Variants in CTPS2 observed in about 807,000 individuals in gnomAD.
CTPS2 encodes CTP synthase 2.
CTPS2 carries 19 observed loss-of-function variants against 46.8 expected under a neutral mutation model. That is an observed-to-expected ratio of 0.41 (90% CI 0.28 to 0.60). CTPS2 has a LOEUF of 0.60. CTPS2 is among the 20% of genes least tolerant of loss of function. The pLI is 0.35. For missense variants in CTPS2, 286 were observed against 447.6 expected (o/e 0.64, Z 3.26); for synonymous variants, 151 against 165.2 (o/e 0.91, Z 0.66).
intron 16 of CTPS2, among the ~76,000 whole-genome samples, chrX:16,616,757 C>T (rs375432896): frequency 1.5e-4 from 17 of 111,855 alleles, no homozygotes; most frequent in South Asian, 3.8e-4. Context: ...TGCAGTGACG[C>T]GATCTCGGCT....
At chrX:16,644,746 T>A (rs955600293) in intron 13 of CTPS2, among the ~76,000 whole-genome samples, 5 of 112,404 alleles carry the variant, frequency 4.4e-5, no homozygotes, top group African/African-American at 1.6e-4. Context: ...TGTATATGTG[T>A]TTTAAGCCAC....
intron 8 of CTPS2, among the ~76,000 whole-genome samples, chrX:16,689,053 C>T (rs1569231720): frequency 1.8e-5 from 2 of 110,586 alleles, no homozygotes; most frequent in Non-Finnish European, 3.8e-5. Flanking sequence ...GAGCCGAGAT[C>T]GTGCCACTGC....
chrX:16,685,692 A>C (rs1373359532), intron 8 of CTPS2, among the ~76,000 whole-genome samples: 1 of 104,122 alleles, frequency 9.6e-6, no homozygotes. Flanking sequence ...CCCCATCTCT[A>C]CTAAAAAAAT....
intron 2 of CTPS2, among the ~76,000 whole-genome samples, chrX:16,701,626 G>C (rs1315711026): frequency 9.3e-6 from 1 of 107,143 alleles, no homozygotes; most frequent in Non-Finnish European, 1.9e-5. Flanking sequence ...TTTTGAGATG[G>C]AGTCTCACTC....
At chrX:16,692,187 A>C (rs946712514) in intron 6 of CTPS2, among the ~76,000 whole-genome samples, 1 of 111,051 alleles carries the variant, frequency 9.0e-6, no homozygotes. Flanking sequence ...GGCGTGGTGC[A>C]ATCCCAGCAC....
intron 13 of CTPS2, among the ~76,000 whole-genome samples, chrX:16,664,601 T>G (rs996384907): frequency 9.3e-4 from 104 of 111,664 alleles, no homozygotes; most frequent in African/African-American, 3.3e-3. Flanking sequence ...GCTTTACTTA[T>G]ATGTAAAAAA....
At chrX:16,645,369 G>C (rs1401992385) in intron 13 of CTPS2, among the ~76,000 whole-genome samples, 15 of 110,689 alleles carry the variant, frequency 1.4e-4, no homozygotes, top group African/African-American at 4.9e-4. Context: ...CCACAGAGTA[G>C]CAGAGGGGTG....
At chrX:16,656,294 C>T (rs978034034) in intron 13 of CTPS2, among the ~76,000 whole-genome samples, 2 of 112,195 alleles carry the variant, frequency 1.8e-5, no homozygotes, top group Non-Finnish European at 3.8e-5. Context: ...ACATGATATG[C>T]CTTTGAACAA....
chrX:16,596,170 C>T (rs761219982), intron 17 of CTPS2, among the ~76,000 whole-genome samples: 27 of 105,631 alleles, frequency 2.6e-4, no homozygotes, highest in South Asian at 1.2e-3. Flanking sequence ...CACCATGCCT[C>T]GCCAAAAGTT....
At chrX:16,676,622 A>C (rs949991870) in intron 10 of CTPS2, among the ~76,000 whole-genome samples, 1 of 112,205 alleles carries the variant, frequency 8.9e-6, no homozygotes, top group Non-Finnish European at 1.9e-5. Flanking sequence ...GAGAGAGAAA[A>C]AATTATGTTT....
intron 10 of CTPS2, among the ~76,000 whole-genome samples, chrX:16,675,187 G>T (rs1476460707): frequency 1.8e-5 from 2 of 109,352 alleles, no homozygotes; most frequent in East Asian, 5.8e-4. Context: ...AGAATTGCTT[G>T]GACCCATGAG....
intron 2 of CTPS2, among the ~76,000 whole-genome samples, chrX:16,699,364 T>C (rs1475068745): frequency 3.6e-5 from 4 of 111,878 alleles, no homozygotes; most frequent in Non-Finnish European, 5.6e-5. Flanking sequence ...ATATGCCACA[T>C]AAAAAAGACA....
chrX:16,668,571 C>T lies in CTPS2; in HGVS notation c.1190-847G>A, dbSNP rs746242381. Among the ~76,000 whole-genome samples the T allele has an allele frequency of 1.6e-3, 160 of 99,436 alleles. 1 individual carries two copies. Among genetic ancestry groups the T allele is most frequent in the African/African-American group, 5.8e-3 (154 of 26,642 alleles). The allele number at this position is 99,436 out of a possible 115,157, so 86.3% of individuals were successfully genotyped here. A position where few individuals can be genotyped will look rare whatever the true frequency, so the allele number is the denominator to read the frequency against. The stretch of plus-strand genomic sequence containing the variant: ...CTGCACTCCAGCCTGGGCGACAGAG[C>T]GAGACTCTGTCTCAAAAAAAAAGAA... On this transcript the variant is annotated intron_variant, in intron 11 of 18. Transcript: ENST00000359276.
intron 11 of CTPS2, among the ~76,000 whole-genome samples, chrX:16,668,852 T>C (rs1196227032): frequency 9.1e-6 from 1 of 110,342 alleles, no homozygotes; most frequent in Non-Finnish European, 1.9e-5. Context: ...ATGAGACAAA[T>C]CTGCCACCTT....
intron 16 of CTPS2, among the ~76,000 whole-genome samples, chrX:16,613,938 C>T (rs780667917): frequency 4.3e-4 from 48 of 110,942 alleles, no homozygotes; most frequent in African/African-American, 1.5e-3. Flanking sequence ...GTTGTCACAA[C>T]GTGGGAGGTA....
intron 16 of CTPS2, among the ~76,000 whole-genome samples, chrX:16,610,259 A>G (rs2147186835): frequency 8.9e-6 from 1 of 112,058 alleles, no homozygotes; most frequent in South Asian, 3.7e-4. Flanking sequence ...TGATCCATTC[A>G]TTCAAATATC....
chrX:16,699,890 GA>G (rs1193069632), intron 2 of CTPS2, among the ~76,000 whole-genome samples: 5 of 108,537 alleles, frequency 4.6e-5, no homozygotes, highest in African/African-American at 1.7e-4. Context: ...TAATTTTAAG[GA>G]AAAAAGCAAA....
chrX:16,627,465 G>A (rs953087379), intron 14 of CTPS2, among the ~76,000 whole-genome samples: 1 of 112,098 alleles, frequency 8.9e-6, no homozygotes, highest in Non-Finnish European at 1.9e-5. Context: ...AGATTTTCTT[G>A]AAAATTTAGA....
At chrX:16,626,869 T>C (rs967255427) in intron 14 of CTPS2, 1 of 112,747 alleles carries the variant, frequency 8.9e-6, no homozygotes, top group Non-Finnish European at 1.9e-5. Context: ...TACCCTCTTT[T>C]CTTCTCCCAC....
Sources: allele counts gnomAD v4.1 joint callset (sites outside exome capture counted in the v4.1 genomes callset), GRCh38; gene constraint gnomAD v4.1.1; transcripts MANE v1.5; gene names NCBI Gene and HGNC (gene_info 2026-07-23, HGNC 2026-07-21).